The following CSMD3 variants were observed in gnomAD, a reference collection of about 807,000 sequenced individuals.
The protein encoded by CSMD3 is CUB and Sushi multiple domains 3, also known as CUB and sushi domain-containing protein 3.
A neutral mutation model predicts 435.2 loss-of-function variants in CSMD3; 177 were observed. The observed-to-expected ratio is 0.41, with a 90% confidence interval of 0.36 to 0.46. The LOEUF is 0.46. Among genes scored for constraint, CSMD3 ranks in the 20% least tolerant of loss-of-function variants. The pLI, the probability that CSMD3 is intolerant of heterozygous loss-of-function variation, is 0.34. For synonymous variants in CSMD3, 1,656 were observed against 1,520.5 expected (o/e 1.09, Z -2.07); for missense variants, 4,265 against 4,504.6 (o/e 0.95, Z 1.52).
chr8:113,029,534 A>T (rs1429174245), intron 5 of CSMD3, among the ~76,000 whole-genome samples: 1 of 151,690 alleles, frequency 6.6e-6, no homozygotes, highest in East Asian at 1.9e-4. Flanking sequence ...TCACATGATC[A>T]TCACAATAGA....
intron 10 of CSMD3, among the ~76,000 whole-genome samples, chr8:112,881,701 T>A (rs1461732146): frequency 6.6e-6 from 1 of 151,970 alleles, no homozygotes; most frequent in South Asian, 2.1e-4. Flanking sequence ...TGAGGTTTCA[T>A]TAGAAACTTT....
intron 1 of CSMD3, among the ~76,000 whole-genome samples, chr8:113,414,651 C>CAAAAAAA (rs780988317): frequency 1.6e-3 from 135 of 84,668 alleles, no homozygotes; most frequent in East Asian, 3.7e-3. Context: ...TGCCCAAATA[C>CAAAAAAA]AAAAAAAAAA....
chr8:112,314,105 T>C (rs1822246494), intron 48 of CSMD3, 53 bp from the exon 49 acceptor site: 3 of 1,370,858 alleles, frequency 2.2e-6, no homozygotes, highest in Non-Finnish European at 3.1e-6. Context: ...TTCTCATTTG[T>C]CTTTAGTATT....
At chr8:112,462,499 C>T (rs999603493) in intron 32 of CSMD3, among the ~76,000 whole-genome samples, 1 of 152,096 alleles carries the variant, frequency 6.6e-6, no homozygotes, top group African/African-American at 2.4e-5. Flanking sequence ...GGCACTTATA[C>T]ACAATGAATG....
intron 31 of CSMD3, among the ~76,000 whole-genome samples, chr8:112,475,741 C>G (rs1818981194): frequency 6.6e-6 from 1 of 152,068 alleles, no homozygotes; most frequent in Non-Finnish European, 1.5e-5. Flanking sequence ...ATATTGGTCT[C>G]CAGAAGCTTT....
intron 3 of CSMD3, among the ~76,000 whole-genome samples, chr8:113,213,712 A>T (rs1251864856): frequency 6.6e-6 from 1 of 152,090 alleles, no homozygotes; most frequent in Non-Finnish European, 1.5e-5. Context: ...CAATGATTTT[A>T]TAATTTCAAA....
chr8:112,249,560 T>C (rs992647223), intron 63 of CSMD3, among the ~76,000 whole-genome samples: 17 of 152,114 alleles, frequency 1.1e-4, no homozygotes, highest in Non-Finnish European at 4.4e-5. Context: ...TATATTTATT[T>C]TCTGCCTTAA....
chr8:112,241,584 G>C, intron 66 of CSMD3, 136 bp downstream of exon 66: 1 of 663,902 alleles, frequency 1.5e-6, no homozygotes, highest in South Asian at 1.7e-5. Context: ...TCAACATCTT[G>C]TGAATTATCA....
chr8:112,345,548 T>C (rs1586831124), intron 41 of CSMD3, among the ~76,000 whole-genome samples: 1 of 151,600 alleles, frequency 6.6e-6, no homozygotes, highest in African/African-American at 2.4e-5. Flanking sequence ...AACTCAGGAG[T>C]AGAAAGTAGA....
intron 38 of CSMD3, among the ~76,000 whole-genome samples, chr8:112,370,804 G>C (rs1415176007): frequency 6.6e-6 from 1 of 151,926 alleles, no homozygotes; most frequent in Non-Finnish European, 1.5e-5. Flanking sequence ...CCTTTTATCT[G>C]TCTTCACCTG....
At chr8:113,099,418 A>G (rs1008906876) in intron 4 of CSMD3, among the ~76,000 whole-genome samples, 1 of 152,080 alleles carries the variant, frequency 6.6e-6, no homozygotes, top group Non-Finnish European at 1.5e-5. Flanking sequence ...AAGAGACAAT[A>G]TAATATAGTT....
intron 22 of CSMD3, among the ~76,000 whole-genome samples, chr8:112,599,591 T>A (rs1357705388): frequency 6.7e-6 from 1 of 148,622 alleles, no homozygotes; most frequent in Admixed American, 6.7e-5. Context: ...GCGGCATTAT[T>A]CACAATAGCA....
chr8:113,374,839 AAAAAAAAACC>A (rs1237423305), intron 1 of CSMD3, among the ~76,000 whole-genome samples: 11 of 115,938 alleles, frequency 9.5e-5, no homozygotes, highest in South Asian at 2.9e-4. Context: ...AAAAAAAAAA[AAAAAAAAACC>A]AATAAAATGA....
intron 4 of CSMD3, among the ~76,000 whole-genome samples, chr8:113,105,174 T>A (rs1371434063): frequency 2.6e-5 from 4 of 151,984 alleles, no homozygotes; most frequent in Non-Finnish European, 4.4e-5. Context: ...CATTACTGAC[T>A]TAAAAATTAA....
chr8:112,807,499 GGTA>G (rs2079119023), intron 12 of CSMD3, among the ~76,000 whole-genome samples: 18 of 139,074 alleles, frequency 1.3e-4, no homozygotes, highest in African/African-American at 4.3e-4. Context: ...TAGGTAGGTA[GGTA>G]GGTAGGTAGG....
intron 20 of CSMD3, among the ~76,000 whole-genome samples, chr8:112,640,626 A>G (rs2074797177): frequency 6.6e-6 from 1 of 151,874 alleles, no homozygotes; most frequent in African/African-American, 2.4e-5. Context: ...AATTGGCAGC[A>G]ATACAAGAGC....
chr8:113,434,814 T>C (rs1007402664), intron 1 of CSMD3, among the ~76,000 whole-genome samples: 4 of 152,200 alleles, frequency 2.6e-5, no homozygotes, highest in African/African-American at 7.2e-5. Flanking sequence ...GGGGCTCTAA[T>C]TGCAGGCGGC....
chr8:112,385,823 T>C (rs1829893491), intron 36 of CSMD3, among the ~76,000 whole-genome samples: 1 of 152,118 alleles, frequency 6.6e-6, no homozygotes. Flanking sequence ...AGAAAATCTA[T>C]TGCCTAGGTG....
intron 35 of CSMD3, among the ~76,000 whole-genome samples, chr8:112,406,133 T>C (rs542724296): frequency 6.6e-6 from 1 of 152,078 alleles, no homozygotes; most frequent in Admixed American, 6.6e-5. Flanking sequence ...AAAAATCTCA[T>C]GTACTCCATT....
Sources: allele counts gnomAD v4.1 joint callset (sites outside exome capture counted in the v4.1 genomes callset), GRCh38; gene constraint gnomAD v4.1.1; transcripts MANE v1.5; gene names NCBI Gene and HGNC (gene_info 2026-07-23, HGNC 2026-07-21).